MAML2: variants seen among roughly 807,000 people sequenced by gnomAD.
MAML2 encodes mastermind-like protein 2.
MAML2 carries 22 observed loss-of-function variants against 96.1 expected under a neutral mutation model. The ratio of observed to expected loss-of-function variants is 0.23; its 90% CI spans 0.16 to 0.33. The LOEUF (loss-of-function observed/expected upper bound fraction) is 0.33. Ranked by LOEUF, MAML2 falls within the 10% of genes least tolerant of loss-of-function variation. The probability of loss-of-function intolerance (pLI) is 1.00; values close to 1 mark genes in which losing one functional copy is unlikely to be tolerated. For missense variants in MAML2, 1,367 were observed against 1,392.4 expected, an observed-to-expected ratio of 0.98 and a Z score of 0.29; for synonymous variants, 561 against 521.3, an observed-to-expected ratio of 1.08 and a Z score of -1.04.
chr11:96,103,132 T>C (rs1434250293), intron 1 of MAML2, among the ~76,000 whole-genome samples: 1 of 152,196 alleles, frequency 6.6e-6, no homozygotes, highest in Non-Finnish European at 1.5e-5. Context: ...ATTTTAGCAC[T>C]TTCTGTCTTA....
intron 1 of MAML2, among the ~76,000 whole-genome samples, chr11:96,338,687 CCT>C (rs1043322225): frequency 5.9e-5 from 9 of 152,186 alleles, no homozygotes; most frequent in African/African-American, 2.2e-4. Flanking sequence ...ATATTCTCTC[CCT>C]TTCTCCAAAG....
At chr11:95,996,001 T>C (rs1457398394) in intron 2 of MAML2, among the ~76,000 whole-genome samples, 3 of 152,166 alleles carry the variant, frequency 2.0e-5, no homozygotes, top group Admixed American at 6.6e-5. Flanking sequence ...GATCATGGCA[T>C]ACATTTACCT....
chr11:96,175,506 A>G (rs1480272218), intron 1 of MAML2, among the ~76,000 whole-genome samples: 3 of 152,194 alleles, frequency 2.0e-5, no homozygotes, highest in African/African-American at 7.2e-5. Context: ...CTTTAGCAAT[A>G]TTTGTCCTTA....
chr11:96,019,813 A>C (rs1858409438), intron 2 of MAML2, among the ~76,000 whole-genome samples: 1 of 152,082 alleles, frequency 6.6e-6, no homozygotes, highest in African/African-American at 2.4e-5. Context: ...AACTTAGAAG[A>C]CCTTAATATT....
At chr11:96,134,255 T>C (rs1299714868) in intron 1 of MAML2, among the ~76,000 whole-genome samples, 1 of 152,238 alleles carries the variant, frequency 6.6e-6, no homozygotes, top group East Asian at 1.9e-4. Context: ...CTTTGTTTAC[T>C]TGTTTACTGT....
At chr11:96,043,254 T>C (rs933198048) in intron 2 of MAML2, among the ~76,000 whole-genome samples, 2 of 152,228 alleles carry the variant, frequency 1.3e-5, no homozygotes, top group South Asian at 2.1e-4. Flanking sequence ...ATTTGGGTTC[T>C]AACTAGCAAA....
At chr11:96,198,471 C>CAG (rs1861762734) in intron 1 of MAML2, among the ~76,000 whole-genome samples, 1 of 152,210 alleles carries the variant, frequency 6.6e-6, no homozygotes, top group African/African-American at 2.4e-5. Context: ...ATTTGTTCCT[C>CAG]AGATGATATG....
intron 1 of MAML2, among the ~76,000 whole-genome samples, chr11:96,263,297 G>A (rs925863442): frequency 1.3e-5 from 2 of 152,340 alleles, no homozygotes; most frequent in South Asian, 4.1e-4. Flanking sequence ...ATCTGTAAGA[G>A]AGACCAGCAT....
intron 1 of MAML2, among the ~76,000 whole-genome samples, chr11:96,177,607 C>T (rs576650733): frequency 5.9e-5 from 9 of 152,258 alleles, no homozygotes; most frequent in African/African-American, 2.2e-4. Context: ...ATAAAATACA[C>T]CTAGAAATAT....
intron 1 of MAML2, among the ~76,000 whole-genome samples, chr11:96,285,170 T>C (rs901158659): frequency 3.3e-5 from 5 of 152,298 alleles, no homozygotes; most frequent in Admixed American, 1.3e-4. Context: ...TTAACAGATA[T>C]ATGAAACCAC....
chr11:95,987,738 G>A (rs912942266), intron 3 of MAML2, among the ~76,000 whole-genome samples: 1 of 152,096 alleles, frequency 6.6e-6, no homozygotes, highest in Non-Finnish European at 1.5e-5. Context: ...TTGTTGCTAA[G>A]AAAAAGGCTT....
chr11:96,065,698 T>A (rs1412703638), intron 2 of MAML2, among the ~76,000 whole-genome samples: 1 of 152,200 alleles, frequency 6.6e-6, no homozygotes, highest in Non-Finnish European at 1.5e-5. Context: ...GTGTGGTGGG[T>A]ATTATTCTCA....
chr11:96,006,136 GTC>G (rs1234062170), intron 2 of MAML2, among the ~76,000 whole-genome samples: 3 of 152,140 alleles, frequency 2.0e-5, no homozygotes, highest in Non-Finnish European at 2.9e-5. Context: ...TAGCTATGAA[GTC>G]TCTCTTGGAT....
At chr11:96,077,219 C>CTCTTT (rs1555005491) in intron 2 of MAML2, among the ~76,000 whole-genome samples, 1,246 of 94,074 alleles carry the variant, frequency 0.013, 56 homozygotes, top group African/African-American at 0.052. Context: ...CTCTCTCTCT[C>CTCTTT]TTTTTTTTTT....
intron 2 of MAML2, among the ~76,000 whole-genome samples, chr11:96,058,615 G>A (rs774519440): frequency 1.3e-5 from 2 of 152,140 alleles, no homozygotes; most frequent in Admixed American, 6.5e-5. Context: ...CATCACGTCC[G>A]GCCCAGGCAG....
chr11:96,168,914 G>A (rs1384695790), intron 1 of MAML2, among the ~76,000 whole-genome samples: 3 of 152,200 alleles, frequency 2.0e-5, no homozygotes, highest in Admixed American at 1.3e-4. Flanking sequence ...AATTGGCAAC[G>A]CAGCAATGGT....
chr11:96,249,302 C>T (rs1428638954), intron 1 of MAML2, among the ~76,000 whole-genome samples: 2 of 152,140 alleles, frequency 1.3e-5, no homozygotes, highest in Non-Finnish European at 2.9e-5. Flanking sequence ...TCTGTTCAAA[C>T]GCCTCTTCTT....
chr11:96,205,297 AGTGAACTCCCAGG>A (rs1861880248), intron 1 of MAML2, among the ~76,000 whole-genome samples: 5 of 152,234 alleles, frequency 3.3e-5, no homozygotes, highest in Non-Finnish European at 7.3e-5. Context: ...CAAGACTGTG[AGTGAACTCCCAGG>A]GACCATCCCC....
At chr11:96,212,150 T>TGTGG (rs60072122) in intron 1 of MAML2, among the ~76,000 whole-genome samples, 3,458 of 127,480 alleles carry the variant, frequency 0.027, 63 homozygotes, top group African/African-American at 0.039. Flanking sequence ...TGTGTGTGTG[T>TGTGG]GGAAGGGGGA....
Sources: allele counts gnomAD v4.1 joint callset (sites outside exome capture counted in the v4.1 genomes callset), GRCh38; gene constraint gnomAD v4.1.1; transcripts MANE v1.5; gene names NCBI Gene and HGNC (gene_info 2026-07-23, HGNC 2026-07-21).